Variants in SLTM observed in about 807,000 individuals in gnomAD.
SLTM encodes the protein SAFB-like transcription modulator.
Under a neutral mutation model 134.6 loss-of-function variants are expected in SLTM, and 43 were observed. That is an observed-to-expected ratio of 0.32 (90% CI 0.25 to 0.41). The LOEUF is 0.41. SLTM is among the 10% of genes least tolerant of loss of function. The probability of loss-of-function intolerance (pLI) is 1.00; values close to 1 mark genes in which losing one functional copy is unlikely to be tolerated. For missense variants in SLTM, 1,055 were observed against 1,288.8 expected (o/e 0.82, Z 2.78); for synonymous variants, 424 against 432.3 (o/e 0.98, Z 0.24).
rs902977874 is a variant in SLTM at position 58,884,371 on chromosome 15, T to G, written c.2836-585A>C. 2.6e-5 allele frequency among the ~76,000 whole-genome samples: 4 copies of G among 152,226 alleles called. No individual in the cohort carries two copies. The East Asian group carries it at 5.8e-4, about 22-fold the overall frequency. On this transcript the variant is annotated intron_variant, in intron 19 of 20. Transcript: ENST00000380516. Reference sequence around the variant, plus strand: ...GTCTCGCTCTGTTGCCAGGCTGGAATGCAGTGGCGCGATCTCGGCTCACTG... The same window carrying G: ...GTCTCGCTCTGTTGCCAGGCTGGAAGGCAGTGGCGCGATCTCGGCTCACTG...
Position 58,899,938 on chromosome 15 carries a change from C to T in SLTM, c.590-1G>A. 1 of 1,601,108 alleles carries T rather than the reference C, an allele frequency of 6.2e-7. No homozygotes were observed. The highest frequency in any genetic ancestry group is 8.5e-7 in the Non-Finnish European group (1 of 1,172,098). Reference sequence around the variant, plus strand: ...GTACCATCACCAGAACCTGCTATATCTAAGAGGATTTAACAGGAATAAATA... The same window carrying T: ...GTACCATCACCAGAACCTGCTATATTTAAGAGGATTTAACAGGAATAAATA... On this transcript the variant is annotated splice_acceptor_variant, in intron 6 of 20. Transcript: ENST00000380516. LOFTEE classifies it high-confidence loss of function. This position sits in a 1 kb window ranked among gnomAD's most constrained non-coding sequence, Gnocchi z 5.0.
intron 20 of SLTM, among the ~76,000 whole-genome samples, chr15:58,881,123 G>C (rs1347263008): frequency 6.6e-6 from 1 of 151,912 alleles, no homozygotes; most frequent in Non-Finnish European, 1.5e-5. Context: ...GAACCCGGGA[G>C]GCAGAGGTTG....
At position 58,912,618 on chromosome 15, in the gene SLTM, A is replaced by G. The variant is rs1567142548; in HGVS notation, c.514-8T>C. 1 of 1,597,808 alleles carries G rather than the reference A, an allele frequency of 6.3e-7. No homozygotes were observed. On this transcript the variant is annotated splice_region_variant and splice_polypyrimidine_tract_variant and intron_variant, in intron 4 of 20. Transcript: ENST00000380516. ...TTCTTGAGCTTCAATTTCCTAAGTA[A>G]AAGGGTATACAATAGCTTTGCTTTA...
At chr15:58,917,358 G>C (rs146167978) in intron 2 of SLTM, among the ~76,000 whole-genome samples, 18 of 152,212 alleles carry the variant, frequency 1.2e-4, no homozygotes, top group African/African-American at 4.3e-4. Flanking sequence ...ACACCTGATA[G>C]CTAAGTACAA....
chr15:58,916,266 C>T (rs557770677), intron 3 of SLTM, among the ~76,000 whole-genome samples: 2 of 151,994 alleles, frequency 1.3e-5, no homozygotes, highest in South Asian at 2.1e-4. Context: ...CTCCACCTCC[C>T]GAGTTCAAGC....
chr15:58,899,154 T>C lies in SLTM; in HGVS notation c.1059-302A>G. ...TGTTCTTAGAACTGATAGTTGTTCA[T>C]TAACCATCATCACAAGGATTTTAAA... is the stretch of plus-strand genomic sequence containing the variant. On this transcript the variant is annotated intron_variant, in intron 7 of 20. Coordinates refer to ENST00000380516, the MANE Select transcript of SLTM (RefSeq NM_024755.4). This position sits in a 1 kb window ranked among gnomAD's most constrained non-coding sequence, Gnocchi z 5.0. 4.6e-6 allele frequency: 2 copies of C among 430,904 alleles called. No homozygotes were observed. The highest frequency in any genetic ancestry group is 4.1e-5 in the South Asian group (1 of 24,280). The allele number at this position is 430,904 out of a possible 1,614,324, so 26.7% of individuals were successfully genotyped here. A position where few individuals can be genotyped will look rare whatever the true frequency, so the allele number is the denominator to read the frequency against.
chr15:58,886,940 G>A (rs777748750), intron 19 of SLTM, 35 bp downstream of exon 19: 6 of 1,610,974 alleles, frequency 3.7e-6, no homozygotes, highest in Non-Finnish European at 3.4e-6. Flanking sequence ...AAATGTATGT[G>A]TGCAGGCTCG....
intron 9 of SLTM, 49 bp downstream of exon 9, chr15:58,897,066 T>A: frequency 9.2e-7 from 1 of 1,090,170 alleles, no homozygotes; most frequent in Non-Finnish European, 1.4e-6. Context: ...CAATCCTCAT[T>A]TCAAATGCAG....
At chr15:58,914,131 T>C (rs544384477) in intron 3 of SLTM, among the ~76,000 whole-genome samples, 1 of 152,348 alleles carries the variant, frequency 6.6e-6, no homozygotes, top group South Asian at 2.1e-4. Flanking sequence ...TCAATGTCTG[T>C]TCTTGAAAAA....
At chr15:58,923,206 C>T (rs1279122037) in intron 2 of SLTM, among the ~76,000 whole-genome samples, 1 of 151,886 alleles carries the variant, frequency 6.6e-6, no homozygotes, top group East Asian at 1.9e-4. Flanking sequence ...AAAAAACACA[C>T]AAATTGGCCA....
rs4775098 is a variant in SLTM, at chr15:58,917,840, C to A, written c.251-841G>T. Among the ~76,000 whole-genome samples, 816 of 152,234 alleles carry A rather than the reference C, an allele frequency of 5.4e-3. 4 individuals are homozygous for A. Among genetic ancestry groups the A allele is most frequent in the Non-Finnish European group, 9.0e-3 (611 of 68,014 alleles). ...TCTCGGCTCACTGTAACTTCCCCCTCCTGGGTTCAAGAGATTCTCCTACCT... is the reference window on the plus strand; with the variant it reads ...TCTCGGCTCACTGTAACTTCCCCCTACTGGGTTCAAGAGATTCTCCTACCT... On this transcript the variant is annotated intron_variant, in intron 2 of 20. Transcript: ENST00000380516.
intron 9 of SLTM, among the ~76,000 whole-genome samples, chr15:58,895,761 C>T (rs776103896): frequency 6.6e-6 from 1 of 152,074 alleles, no homozygotes; most frequent in African/African-American, 2.4e-5. Context: ...AAAAATATAA[C>T]ACAGCCTATC....
intron 2 of SLTM, among the ~76,000 whole-genome samples, chr15:58,919,492 C>T (rs1243030073): frequency 6.6e-6 from 1 of 151,816 alleles, no homozygotes; most frequent in Non-Finnish European, 1.5e-5. Context: ...CCCAGCTATT[C>T]GGGAGGCTGA....
At chr15:58,881,980 G>A (rs2033751025) in intron 20 of SLTM, among the ~76,000 whole-genome samples, 1 of 151,722 alleles carries the variant, frequency 6.6e-6, no homozygotes, top group Admixed American at 6.6e-5. Flanking sequence ...GAAGGCTGAG[G>A]TGGGCAGATC....
intron 3 of SLTM, among the ~76,000 whole-genome samples, chr15:58,914,458 G>A (rs946015427): frequency 6.6e-6 from 1 of 152,230 alleles, no homozygotes; most frequent in African/African-American, 2.4e-5. Context: ...CCAAACTGCA[G>A]TGAGGAAATG....
intron 5 of SLTM, among the ~76,000 whole-genome samples, chr15:58,906,366 G>GT (rs1167440443): frequency 4.6e-5 from 7 of 152,056 alleles, no homozygotes; most frequent in Admixed American, 3.9e-4. Flanking sequence ...TGTCTACAAG[G>GT]TAAGTACTCA....
intron 20 of SLTM, among the ~76,000 whole-genome samples, chr15:58,882,877 A>C (rs1381873646): frequency 6.6e-6 from 1 of 152,258 alleles, no homozygotes; most frequent in African/African-American, 2.4e-5. Context: ...TAACGTATGA[A>C]GAGATTTTGT....
chr15:58,881,167 C>G (rs532717152), intron 20 of SLTM, among the ~76,000 whole-genome samples: 30 of 151,758 alleles, frequency 2.0e-4, no homozygotes, highest in African/African-American at 7.0e-4. Context: ...GCACCCCAGC[C>G]TGGGTGTCAC....
chr15:58,932,075 T>A (rs1257738442), intron 2 of SLTM: 2 of 289,748 alleles, frequency 6.9e-6, no homozygotes, highest in African/African-American at 4.2e-5. Context: ...TTTATTCAGG[T>A]CTTCACACTA....
Sources: allele counts gnomAD v4.1 joint callset (sites outside exome capture counted in the v4.1 genomes callset), GRCh38; gene constraint gnomAD v4.1.1; non-coding constraint Gnocchi (gnomAD v3.1); transcripts MANE v1.5; gene names NCBI Gene and HGNC (gene_info 2026-07-23, HGNC 2026-07-21).